The following DCC variants were observed in gnomAD, a reference collection of about 807,000 sequenced individuals.
The protein encoded by DCC is netrin receptor DCC.
A neutral mutation model predicts 172.5 loss-of-function variants in DCC; 58 were observed. The ratio of observed to expected loss-of-function variants is 0.34; its 90% CI spans 0.27 to 0.42. DCC has a LOEUF of 0.42. Ranked by LOEUF, DCC falls within the 10% of genes least tolerant of loss-of-function variation. The pLI is 1.00. For synonymous variants in DCC, 709 were observed against 644.5 expected (o/e 1.10, Z -1.52); for missense variants, 1,740 against 1,791.0 (o/e 0.97, Z 0.51).
At chr18:53,381,139 G>A (rs938069425) in intron 15 of DCC, among the ~76,000 whole-genome samples, 2 of 47,674 alleles carry the variant, frequency 4.2e-5, no homozygotes, top group African/African-American at 1.2e-4. Context: ...AAGAAATGAT[G>A]ACTGCTTCAG....
intron 7 of DCC, among the ~76,000 whole-genome samples, chr18:53,127,920 G>A (rs528699172): frequency 2.0e-5 from 3 of 152,114 alleles, no homozygotes; most frequent in South Asian, 4.2e-4. Context: ...TCTTAAAATC[G>A]ATCATTCTGA....
intron 2 of DCC, among the ~76,000 whole-genome samples, chr18:52,866,860 A>T (rs942118308): frequency 2.6e-5 from 4 of 152,148 alleles, no homozygotes; most frequent in Non-Finnish European, 5.9e-5. Context: ...TCCTATTTGA[A>T]TACCCTTTAT....
At chr18:53,292,703 A>C (rs1360736921) in intron 12 of DCC, among the ~76,000 whole-genome samples, 1 of 152,178 alleles carries the variant, frequency 6.6e-6, no homozygotes, top group Admixed American at 6.5e-5. Context: ...ACAAAAACAA[A>C]AACAAAACAA....
chr18:52,845,165 A>G (rs1350209745), intron 2 of DCC, among the ~76,000 whole-genome samples: 1 of 152,212 alleles, frequency 6.6e-6, no homozygotes, highest in Admixed American at 6.5e-5. Flanking sequence ...AGCAGCCCTT[A>G]GGAGAGATCT....
At chr18:52,648,462 C>T (rs1203210634) in intron 1 of DCC, among the ~76,000 whole-genome samples, 1 of 152,198 alleles carries the variant, frequency 6.6e-6, no homozygotes, top group Non-Finnish European at 1.5e-5. Flanking sequence ...TATCGCGTAA[C>T]TATGTGTGGA....
At chr18:52,537,566 G>A (rs1208035575) in intron 1 of DCC, among the ~76,000 whole-genome samples, 2 of 152,070 alleles carry the variant, frequency 1.3e-5, no homozygotes, top group African/African-American at 4.8e-5. Flanking sequence ...TACAGTCTAG[G>A]GGAGGCAGCT....
chr18:52,707,142 G>A (rs1335708135), intron 1 of DCC, among the ~76,000 whole-genome samples: 1 of 152,118 alleles, frequency 6.6e-6, no homozygotes, highest in Admixed American at 6.5e-5. Context: ...ACAAAAATAA[G>A]GTGAGAAATA....
chr18:52,757,850 A>G (rs940347946), intron 2 of DCC, among the ~76,000 whole-genome samples: 3 of 152,150 alleles, frequency 2.0e-5, no homozygotes, highest in African/African-American at 7.2e-5. Context: ...AAAAGCTAAG[A>G]GCTCTATGGC....
At chr18:52,746,750 T>C (rs1425415311) in intron 1 of DCC, among the ~76,000 whole-genome samples, 1 of 148,090 alleles carries the variant, frequency 6.8e-6, no homozygotes, top group Non-Finnish European at 1.5e-5. Flanking sequence ...TCTTTGGCAA[T>C]ATTATTTCTG....
At chr18:52,415,790 G>A (rs969576980) in intron 1 of DCC, among the ~76,000 whole-genome samples, 8 of 152,044 alleles carry the variant, frequency 5.3e-5, no homozygotes, top group African/African-American at 1.9e-4. Flanking sequence ...CTTGCTAGTG[G>A]TCTATCAATT....
chr18:52,706,788 A>G (rs999898739), intron 1 of DCC, among the ~76,000 whole-genome samples: 5 of 152,230 alleles, frequency 3.3e-5, no homozygotes, highest in African/African-American at 1.2e-4. Flanking sequence ...CTCACACTCT[A>G]CTACTTCACC....
chr18:53,525,088 G>A (rs898517494), intron 27 of DCC, among the ~76,000 whole-genome samples: 1 of 152,000 alleles, frequency 6.6e-6, no homozygotes, highest in East Asian at 1.9e-4. Context: ...CTAAGTACCA[G>A]CCACTTTAAA....
chr18:52,477,976 A>AT (rs984039613), intron 1 of DCC, among the ~76,000 whole-genome samples: 1 of 151,726 alleles, frequency 6.6e-6, no homozygotes, highest in African/African-American at 2.4e-5. Flanking sequence ...TACCCCGCTA[A>AT]TTTTTTTATG....
At chr18:52,843,427 G>A (rs1336481185) in intron 2 of DCC, among the ~76,000 whole-genome samples, 2 of 152,060 alleles carry the variant, frequency 1.3e-5, no homozygotes, top group Admixed American at 1.3e-4. Context: ...CTTGCATCAA[G>A]CAGAGAAATA....
At chr18:53,167,489 G>A (rs944728457) in intron 8 of DCC, among the ~76,000 whole-genome samples, 6 of 152,108 alleles carry the variant, frequency 3.9e-5, no homozygotes, top group African/African-American at 7.2e-5. Flanking sequence ...AAAGATGACC[G>A]AAATAAATGG....
At chr18:52,526,868 A>C (rs755528447) in intron 1 of DCC, among the ~76,000 whole-genome samples, 2 of 152,138 alleles carry the variant, frequency 1.3e-5, no homozygotes, top group Non-Finnish European at 2.9e-5. Context: ...ATATAGTAAA[A>C]TGCTCTCTCT....
chr18:52,668,678 C>G (rs145998729), intron 1 of DCC, among the ~76,000 whole-genome samples: 12 of 152,310 alleles, frequency 7.9e-5, no homozygotes, highest in Admixed American at 2.6e-4. Flanking sequence ...TTGTGAACTT[C>G]TCAAATAATG....
chr18:52,863,637 ATT>A (rs2039177681), intron 2 of DCC, among the ~76,000 whole-genome samples: 1 of 151,738 alleles, frequency 6.6e-6, no homozygotes, highest in African/African-American at 2.4e-5. Context: ...TTACCAAAAA[ATT>A]TTGAGAAACC....
rs1175780321 is a variant in DCC, at chr18:53,428,682, T to A, written c.3164-6462T>A. Among the ~76,000 whole-genome samples, 3 of 29,508 alleles carry A rather than the reference T, an allele frequency of 1.0e-4. 1 individual carries two copies. The highest frequency in any genetic ancestry group is 2.3e-4 in the African/African-American group (3 of 12,994). 19.4% of individuals were successfully genotyped at this position (29,508 alleles called of 152,430 possible). The stretch of plus-strand genomic sequence containing the variant: ...AATGTATATTTTATATAATATATAT[T>A]TTTATATATAATGTATATTTTATAT... On this transcript the variant is annotated intron_variant, in intron 21 of 28. Coordinates refer to ENST00000442544, the MANE Select transcript of DCC (RefSeq NM_005215.4).
Sources: allele counts gnomAD v4.1 joint callset (sites outside exome capture counted in the v4.1 genomes callset), GRCh38; gene constraint gnomAD v4.1.1; transcripts MANE v1.5; gene names NCBI Gene and HGNC (gene_info 2026-07-23, HGNC 2026-07-21).